The following PCMTD1 variants were observed in gnomAD, a reference collection of about 807,000 sequenced individuals.
PCMTD1 encodes the protein protein-L-isoaspartate O-methyltransferase domain-containing protein 1.
Under a neutral mutation model 37.6 loss-of-function variants are expected in PCMTD1, and 12 were observed. The observed-to-expected ratio is 0.32, with a 90% CI of 0.20 to 0.52. PCMTD1 has a LOEUF of 0.52. PCMTD1 is among the 20% of genes least tolerant of loss of function. PCMTD1 has a pLI of 0.97. For synonymous variants in PCMTD1, 117 were observed against 135.8 expected (o/e 0.86, Z 0.96); for missense variants, 235 against 421.3 (o/e 0.56, Z 3.87).
intron 5 of PCMTD1, among the ~76,000 whole-genome samples, chr8:51,821,092 AAGTAC>A (rs72152941): frequency 0.14 from 20,753 of 152,080 alleles, 2,516 homozygotes; most frequent in African/African-American, 0.32. Flanking sequence ...ATCATATGAA[AAGTAC>A]TACTTATTCA....
At chr8:51,882,931 T>C (rs1198137984) in intron 1 of PCMTD1, among the ~76,000 whole-genome samples, 3 of 147,342 alleles carry the variant, frequency 2.0e-5, no homozygotes, top group African/African-American at 7.5e-5. Context: ...ATAGAGACCA[T>C]GCTTGCTAAC....
chr8:51,845,002 T>C (rs1466950721), intron 3 of PCMTD1: 1 of 152,258 alleles, frequency 6.6e-6, no homozygotes, highest in African/African-American at 2.4e-5. Flanking sequence ...TTTTACACAA[T>C]TTCAAAGAGC....
intron 5 of PCMTD1, 90 bp downstream of exon 5, chr8:51,831,354 T>G: frequency 7.7e-7 from 1 of 1,297,740 alleles, no homozygotes; most frequent in Non-Finnish European, 1.1e-6. Context: ...AAGTATTTAA[T>G]TCTTCATAAT....
chr8:51,885,815 C>G (rs201156709), intron 1 of PCMTD1, among the ~76,000 whole-genome samples: 1 of 152,014 alleles, frequency 6.6e-6, no homozygotes, highest in African/African-American at 2.4e-5. Context: ...TATGTCTCTA[C>G]AGGGGCATAC....
chr8:51,891,755 C>G (rs1443923507), intron 1 of PCMTD1, among the ~76,000 whole-genome samples: 1 of 149,132 alleles, frequency 6.7e-6, no homozygotes, highest in Non-Finnish European at 1.5e-5. Flanking sequence ...ACCTGATAAA[C>G]TAGCTACAGA....
In PCMTD1 at chr8:51,820,607, G is replaced by A; in HGVS notation, c.818C>T (p.Pro273Leu). 1 of 1,610,888 alleles carries A rather than the reference G, an allele frequency of 6.2e-7. No individual in the cohort carries two copies. Residue 273 changes from proline (P) to leucine (L), a missense_variant, in exon 6 of 6, where the codon CCA becomes CTA. Pro to Leu is a moderately conservative substitution (Grantham distance 98). This residue lies in a region of PCMTD1 where 183 missense variants were observed against 349.3 expected (regional missense o/e 0.52). Coordinates refer to ENST00000522514, the MANE Select transcript of PCMTD1 (RefSeq NM_052937.4). ...AACTCTCTTTCTTTTCCTTTTGGGT[G>A]GAGCCCTTTGAGGAATCCCCTTGGC... ...MQAKGIPQRAPPKRKRKRVKQ... is the reference protein window; with the variant it reads ...MQAKGIPQRALPKRKRKRVKQ...
chr8:51,885,245 AACTTCT>A (rs1413852283), intron 1 of PCMTD1, among the ~76,000 whole-genome samples: 16 of 152,170 alleles, frequency 1.1e-4, no homozygotes, highest in Admixed American at 1.0e-3. Flanking sequence ...TTTTAACTTT[AACTTCT>A]AAGTATTGGG....
intron 1 of PCMTD1, among the ~76,000 whole-genome samples, chr8:51,888,284 A>C (rs2038891694): frequency 6.6e-6 from 1 of 152,212 alleles, no homozygotes; most frequent in African/African-American, 2.4e-5. Context: ...ATAGTAGCAG[A>C]TTCAAAATTG....
chr8:51,821,985 T>A lies in PCMTD1; in HGVS notation c.707-1267A>T, dbSNP rs543025040. On this transcript the variant is annotated intron_variant, in intron 5 of 5. Coordinates refer to ENST00000522514, the MANE Select transcript of PCMTD1 (RefSeq NM_052937.4). ...CTCCTGACCTCGTGATCCGCCCACC[T>A]TGGCCTCCCAAAGTGCTGGGATTAC... Among the ~76,000 whole-genome samples, 3 of 152,328 alleles carry A rather than the reference T, an allele frequency of 2.0e-5. No individual in the cohort carries two copies. The East Asian group carries it at 5.8e-4, about 29-fold the overall frequency.
At chr8:51,826,788 C>T (rs2037927257) in intron 5 of PCMTD1, 1 of 493,698 alleles carries the variant, frequency 2.0e-6, no homozygotes, top group Admixed American at 6.4e-5. Flanking sequence ...TTTATGAAGT[C>T]TCTTATGCCC....
intron 1 of PCMTD1, among the ~76,000 whole-genome samples, chr8:51,867,774 A>G (rs1459365572): frequency 1.3e-5 from 2 of 152,016 alleles, no homozygotes; most frequent in Non-Finnish European, 2.9e-5. Flanking sequence ...TAAACTTACA[A>G]AAGTAGAGCA....
At chr8:51,848,779 C>T (rs1377673987) in intron 2 of PCMTD1, among the ~76,000 whole-genome samples, 1 of 152,042 alleles carries the variant, frequency 6.6e-6, no homozygotes, top group Non-Finnish European at 1.5e-5. Context: ...ATATGCTATG[C>T]ATTAATACTG....
intron 1 of PCMTD1, chr8:51,896,096 C>T (rs1351461516): frequency 1.3e-5 from 2 of 152,030 alleles, no homozygotes; most frequent in African/African-American, 4.8e-5. Flanking sequence ...CAGATGCCCA[C>T]CACCAAGCTC....
chr8:51,862,375 C>A lies in PCMTD1; in HGVS notation c.-95-1129G>T, dbSNP rs1323885137. Among the ~76,000 whole-genome samples, 15 of 152,176 alleles carry A rather than the reference C, an allele frequency of 9.9e-5. No individual in the cohort carries two copies. The East Asian group carries it at 2.3e-3, about 24-fold the overall frequency. On this transcript the variant is annotated intron_variant, in intron 1 of 5. Coordinates refer to ENST00000522514, the MANE Select transcript of PCMTD1 (RefSeq NM_052937.4). ...ATACACATACACACACACACACACTCACACACACATACACTGAACTTCTTT... is the reference window on the plus strand; with the variant it reads ...ATACACATACACACACACACACACTAACACACACATACACTGAACTTCTTT...
At chr8:51,877,655 T>C (rs2038732050) in intron 1 of PCMTD1, among the ~76,000 whole-genome samples, 1 of 152,192 alleles carries the variant, frequency 6.6e-6, no homozygotes, top group South Asian at 2.1e-4. Flanking sequence ...TTTACTTTAC[T>C]TTTCATAGGC....
chr8:51,856,052 A>T (rs879705069), intron 2 of PCMTD1, among the ~76,000 whole-genome samples: 3 of 152,192 alleles, frequency 2.0e-5, no homozygotes, highest in Admixed American at 6.5e-5. Context: ...CTTTTGGCCT[A>T]AAGTAAGCTA....
At position 51,827,528 on chromosome 8, in the gene PCMTD1, A is replaced by G. The variant is rs536258529; in HGVS notation, c.706+3916T>C. On this transcript the variant is annotated intron_variant, in intron 5 of 5. Transcript: ENST00000522514. ...CATACCACCCACCTGTTAGTAACTT[A>G]GCAGCTGCCTCAGTTATCAGATAAA... Among the ~76,000 whole-genome samples the G allele has an allele frequency of 2.7e-3, 415 of 152,296 alleles. 1 individual carries two copies. The highest frequency in any genetic ancestry group is 9.4e-3 in the African/African-American group (391 of 41,556).
intron 1 of PCMTD1, among the ~76,000 whole-genome samples, chr8:51,861,723 T>C (rs1185507876): frequency 6.9e-6 from 1 of 143,900 alleles, no homozygotes; most frequent in Non-Finnish European, 1.5e-5. Flanking sequence ...TGTTTTTTTT[T>C]TAATTTTTTT....
chr8:51,881,951 A>G (rs1266036653), intron 1 of PCMTD1, among the ~76,000 whole-genome samples: 1 of 152,204 alleles, frequency 6.6e-6, no homozygotes, highest in Non-Finnish European at 1.5e-5. Flanking sequence ...CATATGCATT[A>G]AGTCTCTACC....
Sources: allele counts gnomAD v4.1 joint callset (sites outside exome capture counted in the v4.1 genomes callset), GRCh38; gene constraint gnomAD v4.1.1; regional missense constraint gnomAD v4.1.1; transcripts MANE v1.5; gene names NCBI Gene and HGNC (gene_info 2026-07-23, HGNC 2026-07-21).